CSMD1: variants seen among roughly 807,000 people sequenced by gnomAD.
CSMD1 encodes CUB and Sushi multiple domains 1, also known as CUB and sushi domain-containing protein 1.
Under a neutral mutation model 417.5 loss-of-function variants are expected in CSMD1, and 213 were observed. That is an observed-to-expected ratio of 0.51 (90% CI 0.46 to 0.57). The LOEUF (loss-of-function observed/expected upper bound fraction) is 0.57. Ranked by LOEUF, CSMD1 falls within the 20% of genes least tolerant of loss-of-function variation. The pLI is 0.00. For synonymous variants in CSMD1, 2,862 were observed against 1,736.8 expected, an observed-to-expected ratio of 1.65 and a Z score of -16.11; for missense variants, 6,923 against 4,529.7, an observed-to-expected ratio of 1.53 and a Z score of -15.17.
chr8:4,467,511 CACAG>C (rs1800254593), intron 2 of CSMD1, among the ~76,000 whole-genome samples: 2 of 152,260 alleles, frequency 1.3e-5, no homozygotes, highest in Admixed American at 6.5e-5. Context: ...CTGACTTAAG[CACAG>C]ACAACTTTTT....
intron 5 of CSMD1, among the ~76,000 whole-genome samples, chr8:3,805,018 C>T (rs933535335): frequency 6.6e-6 from 1 of 152,132 alleles, no homozygotes; most frequent in Admixed American, 6.6e-5. Context: ...CTTGAAGAGG[C>T]CTGGTTGGTC....
At chr8:3,387,174 G>T (rs1811053999) in intron 18 of CSMD1, among the ~76,000 whole-genome samples, 2 of 152,178 alleles carry the variant, frequency 1.3e-5, no homozygotes, top group Non-Finnish European at 2.9e-5. Flanking sequence ...GACATCCTAG[G>T]ATATGTGTGG....
intron 49 of CSMD1, among the ~76,000 whole-genome samples, chr8:3,086,665 A>C (rs1037856958): frequency 5.9e-5 from 9 of 152,224 alleles, no homozygotes; most frequent in African/African-American, 2.2e-4. Flanking sequence ...CAACTTTAAC[A>C]AGCTCTAGAT....
At chr8:4,676,290 G>T (rs562557195) in intron 1 of CSMD1, among the ~76,000 whole-genome samples, 1 of 152,000 alleles carries the variant, frequency 6.6e-6, no homozygotes, top group Non-Finnish European at 1.5e-5. Context: ...AGATAAATTA[G>T]CCATGTTTCT....
intron 7 of CSMD1, among the ~76,000 whole-genome samples, chr8:3,706,381 T>C (rs116156381): frequency 1.0e-3 from 157 of 152,354 alleles, no homozygotes; most frequent in African/African-American, 3.7e-3. Context: ...TTTCATTTTC[T>C]CTGTCATACC....
intron 12 of CSMD1, among the ~76,000 whole-genome samples, chr8:3,428,756 C>T (rs62505578): frequency 0.1 from 15,852 of 152,212 alleles, 936 homozygotes; most frequent in African/African-American, 0.14. Flanking sequence ...CTGCACTCCC[C>T]TGTTCACTGC....
intron 47 of CSMD1, among the ~76,000 whole-genome samples, chr8:3,096,375 TCTC>T (rs67485071): frequency 0.12 from 18,211 of 152,124 alleles, 1,419 homozygotes; most frequent in Non-Finnish European, 0.18. Context: ...CCCATGCTGT[TCTC>T]CTGATAGTAA....
chr8:4,394,579 G>A (rs966336666), intron 3 of CSMD1, among the ~76,000 whole-genome samples: 1 of 152,150 alleles, frequency 6.6e-6, no homozygotes, highest in Non-Finnish European at 1.5e-5. Flanking sequence ...ACCCATGTCT[G>A]TGGATGCCCC....
Position 3,387,638 on chromosome 8 carries a change from C to A in CSMD1, c.2638G>T (p.Val880Leu), listed in dbSNP as rs753270894. The A allele has an allele frequency of 1.2e-6, 2 of 1,601,074 alleles. No individual in the cohort carries two copies. The highest frequency in any genetic ancestry group is 4.5e-5 in the East Asian group (2 of 44,200). ...TCTCCACCGTGGCGATGGCCGTTCACAGGGATGCCCGGGTCCAGGCAGGAA... is the reference window on the plus strand; with the variant it reads ...TCTCCACCGTGGCGATGGCCGTTCAAAGGGATGCCCGGGTCCAGGCAGGAA... ...SDSCLDPGIP[V>L]NGHRHGGDFG... Residue 880 changes from valine to leucine, a missense_variant, in exon 18 of 70, where the codon GTG becomes TTG. Val to Leu is a conservative substitution (Grantham distance 32). Transcript: ENST00000635120.
intron 2 of CSMD1, among the ~76,000 whole-genome samples, chr8:4,551,912 T>G (rs1425555133): frequency 6.6e-6 from 1 of 150,980 alleles, no homozygotes; most frequent in Non-Finnish European, 1.5e-5. Flanking sequence ...GACTCAAACT[T>G]CTGGACTCAA....
intron 1 of CSMD1, among the ~76,000 whole-genome samples, chr8:4,908,705 ATTC>A (rs1439845195): frequency 7.3e-6 from 1 of 137,612 alleles, no homozygotes; most frequent in Non-Finnish European, 1.5e-5. Context: ...CATCAGAGGT[ATTC>A]TTCATTTCTG....
chr8:4,304,639 G>A (rs1477008295), intron 3 of CSMD1, among the ~76,000 whole-genome samples: 1 of 152,044 alleles, frequency 6.6e-6, no homozygotes, highest in Non-Finnish European at 1.5e-5. Context: ...TCCCCTCACT[G>A]CTACTCATAC....
At chr8:4,562,852 C>T (rs183471595) in intron 2 of CSMD1, among the ~76,000 whole-genome samples, 4 of 152,168 alleles carry the variant, frequency 2.6e-5, no homozygotes, top group East Asian at 1.9e-4. Context: ...ATTCAAATGC[C>T]TCCAAAATAC....
At chr8:4,149,112 T>C (rs1186422661) in intron 3 of CSMD1, among the ~76,000 whole-genome samples, 1 of 151,958 alleles carries the variant, frequency 6.6e-6, no homozygotes, top group East Asian at 1.9e-4. Flanking sequence ...TACAGGCGTG[T>C]ACCACCACAC....
At chr8:3,863,579 A>G (rs371688750) in intron 5 of CSMD1, among the ~76,000 whole-genome samples, 5 of 152,170 alleles carry the variant, frequency 3.3e-5, no homozygotes, top group African/African-American at 1.2e-4. Context: ...ACAAAAATAT[A>G]ATCTAAGCCT....
At chr8:3,131,713 C>T (rs1817804381) in intron 41 of CSMD1, among the ~76,000 whole-genome samples, 1 of 152,098 alleles carries the variant, frequency 6.6e-6, no homozygotes, top group Non-Finnish European at 1.5e-5. Context: ...CTCAGGTGAT[C>T]CACCCGCCTC....
At chr8:3,355,238 C>T (rs1267228824) in intron 21 of CSMD1, among the ~76,000 whole-genome samples, 1 of 151,922 alleles carries the variant, frequency 6.6e-6, no homozygotes, top group Non-Finnish European at 1.5e-5. Context: ...AAGGCTTATG[C>T]TGATGTATAC....
intron 3 of CSMD1, among the ~76,000 whole-genome samples, chr8:4,369,508 C>G (rs1802280170): frequency 6.6e-6 from 1 of 152,080 alleles, no homozygotes; most frequent in Non-Finnish European, 1.5e-5. Flanking sequence ...AGTTTTCTGC[C>G]ACAATGATTT....
chr8:3,773,982 A>G (rs1207491065), intron 5 of CSMD1, among the ~76,000 whole-genome samples: 1 of 152,054 alleles, frequency 6.6e-6, no homozygotes, highest in Non-Finnish European at 1.5e-5. Context: ...CCCTGCATCT[A>G]TTTGCTCTTA....
Sources: allele counts gnomAD v4.1 joint callset (sites outside exome capture counted in the v4.1 genomes callset), GRCh38; gene constraint gnomAD v4.1.1; transcripts MANE v1.5; gene names NCBI Gene and HGNC (gene_info 2026-07-23, HGNC 2026-07-21).